Variants in XKR4 observed in about 807,000 individuals in gnomAD.
The protein encoded by XKR4 is XK related 4.
XKR4 carries 12 observed loss-of-function variants against 53.9 expected under a neutral mutation model. The observed-to-expected ratio is 0.22, with a 90% CI of 0.14 to 0.36. The LOEUF (loss-of-function observed/expected upper bound fraction) is 0.36. Ranked by LOEUF, XKR4 falls within the 10% of genes least tolerant of loss-of-function variation. The probability of loss-of-function intolerance (pLI) is 1.00; values close to 1 mark genes in which losing one functional copy is unlikely to be tolerated. For missense variants in XKR4, 799 were observed against 859.5 expected (o/e 0.93, Z 0.88); for synonymous variants, 354 against 362.4 (o/e 0.98, Z 0.26).
chr8:55,392,256 C>G (rs914702679), intron 2 of XKR4, among the ~76,000 whole-genome samples: 2 of 152,062 alleles, frequency 1.3e-5, no homozygotes, highest in African/African-American at 2.4e-5. Flanking sequence ...GAGAGGGCTC[C>G]TTGGAGGAAT....
intron 2 of XKR4, among the ~76,000 whole-genome samples, chr8:55,374,544 C>G (rs796080328): frequency 3.3e-5 from 5 of 152,252 alleles, no homozygotes; most frequent in African/African-American, 1.2e-4. Flanking sequence ...AAGTGAACCA[C>G]CATTTAAGGG....
Position 55,524,968 on chromosome 8 carries a change from G to A in XKR4, c.*741G>A, listed in dbSNP as rs546187760. On this transcript the variant is annotated 3_prime_UTR_variant, in exon 3 of 3. Transcript: ENST00000327381. ...GCAGCCCATGTACGGCTTTCAACAA[G>A]ACCAAGGAGCTCAATAACTTCATGA... The A allele has an allele frequency of 6.6e-6, 1 of 152,592 alleles. No individual in the cohort carries two copies. Among genetic ancestry groups the A allele is most frequent in the Non-Finnish European group, 1.5e-5 (1 of 68,038 alleles). The allele number at this position is 152,592 out of a possible 1,614,324, so 9.5% of individuals were successfully genotyped here.
chr8:55,338,121 A>C (rs546389062), intron 1 of XKR4, among the ~76,000 whole-genome samples: 1 of 152,384 alleles, frequency 6.6e-6, no homozygotes, highest in Admixed American at 6.5e-5. Flanking sequence ...AGGGAAGGTC[A>C]CATGGATATT....
chr8:55,289,582 A>AGAAG, intron 1 of XKR4, among the ~76,000 whole-genome samples: 1 of 86,732 alleles, frequency 1.2e-5, no homozygotes, highest in Non-Finnish European at 2.4e-5. Flanking sequence ...AGAGAAAGGA[A>AGAAG]GAAAGAAAGA....
At chr8:55,370,648 A>AT (rs959801843) in intron 2 of XKR4, among the ~76,000 whole-genome samples, 3 of 152,222 alleles carry the variant, frequency 2.0e-5, no homozygotes, top group South Asian at 4.2e-4. Context: ...GAGAGTTGTG[A>AT]TTTTTTTCTT....
At chr8:55,356,666 G>A (rs1803800238) in intron 1 of XKR4, among the ~76,000 whole-genome samples, 2 of 152,154 alleles carry the variant, frequency 1.3e-5, no homozygotes, top group South Asian at 4.1e-4. Flanking sequence ...GAAATAATGT[G>A]ATGCCCGGGG....
intron 1 of XKR4, 133 bp from the exon 2 acceptor site, chr8:55,357,545 C>T (rs1291840297): frequency 1.1e-6 from 1 of 877,008 alleles, no homozygotes; most frequent in African/African-American, 1.7e-5. Flanking sequence ...TGGACTTTAA[C>T]TCATAAGCCC....
chr8:55,535,427 A>C lies in XKR4; in HGVS notation c.*11200A>C, dbSNP rs930446976. The C allele has an allele frequency of 2.4e-5, 3 of 123,942 alleles. No individual in the cohort carries two copies. The highest frequency in any genetic ancestry group is 3.2e-5 in the Non-Finnish European group (2 of 62,800). 7.7% of individuals were successfully genotyped at this position (123,942 alleles called of 1,614,324 possible). On this transcript the variant is annotated 3_prime_UTR_variant, in exon 3 of 3. Coordinates refer to ENST00000327381, the MANE Select transcript of XKR4 (RefSeq NM_052898.2). ...GTGTGTGATGTTCCCCTTCCTGTGC[A>C]CGTGACTTATTTTCAATTGCCCAGC...
chr8:55,519,851 G>C (rs1228589798), intron 2 of XKR4, among the ~76,000 whole-genome samples: 3 of 152,162 alleles, frequency 2.0e-5, no homozygotes, highest in African/African-American at 4.8e-5. Flanking sequence ...AAATGGGTGA[G>C]AGAGAGAGAC....
intron 1 of XKR4, among the ~76,000 whole-genome samples, chr8:55,208,754 C>T (rs1817683691): frequency 6.6e-6 from 1 of 152,126 alleles, no homozygotes; most frequent in Non-Finnish European, 1.5e-5. Context: ...CATGAGCCAC[C>T]ACACCCAGCC....
intron 2 of XKR4, among the ~76,000 whole-genome samples, chr8:55,366,606 C>T (rs1423975197): frequency 6.6e-6 from 1 of 152,206 alleles, no homozygotes; most frequent in Non-Finnish European, 1.5e-5. Flanking sequence ...CTGGTGGCCT[C>T]ATATTCCAAT....
intron 1 of XKR4, among the ~76,000 whole-genome samples, chr8:55,355,613 C>T (rs1803787289): frequency 1.3e-5 from 2 of 152,140 alleles, no homozygotes; most frequent in Admixed American, 6.5e-5. Context: ...ATGCTTGGGA[C>T]TTCAAAGCAA....
At chr8:55,312,856 C>G (rs1460053535) in intron 1 of XKR4, among the ~76,000 whole-genome samples, 2 of 152,096 alleles carry the variant, frequency 1.3e-5, no homozygotes, top group Admixed American at 1.3e-4. Context: ...TCATAGATGG[C>G]GTCAAGACAA....
intron 2 of XKR4, chr8:55,449,720 T>C (rs1805401261): frequency 2.2e-6 from 2 of 913,852 alleles, no homozygotes; most frequent in South Asian, 2.6e-5. Flanking sequence ...GCACTCAGTG[T>C]CCACACGGTG....
intron 2 of XKR4, among the ~76,000 whole-genome samples, chr8:55,425,498 C>T (rs6995409): frequency 0.14 from 21,395 of 152,140 alleles, 3,120 homozygotes; most frequent in African/African-American, 0.37. Flanking sequence ...CCTTCTGAGC[C>T]TCAGGCTATC....
intron 1 of XKR4, chr8:55,140,206 A>G (rs1047383823): frequency 2.4e-6 from 1 of 409,672 alleles, no homozygotes; most frequent in African/African-American, 2.1e-5. Flanking sequence ...GGTGAGTTCC[A>G]TCTGCAGACT....
intron 1 of XKR4, among the ~76,000 whole-genome samples, chr8:55,305,515 G>A (rs1034022408): frequency 3.3e-4 from 50 of 152,308 alleles, no homozygotes; most frequent in African/African-American, 1.2e-3. Flanking sequence ...CTGGAAGGCA[G>A]AAGATTCAGT....
At chr8:55,148,417 T>C (rs962294096) in intron 1 of XKR4, among the ~76,000 whole-genome samples, 2 of 151,830 alleles carry the variant, frequency 1.3e-5, no homozygotes, top group Non-Finnish European at 2.9e-5. Context: ...AAAAAATATA[T>C]ATATATATAC....
intron 1 of XKR4, among the ~76,000 whole-genome samples, chr8:55,180,532 G>A (rs946167912): frequency 3.3e-5 from 5 of 152,122 alleles, no homozygotes; most frequent in South Asian, 4.2e-4. Flanking sequence ...ACAAAAATAC[G>A]TATTCTTTTT....
Sources: allele counts gnomAD v4.1 joint callset (sites outside exome capture counted in the v4.1 genomes callset), GRCh38; gene constraint gnomAD v4.1.1; transcripts MANE v1.5; gene names NCBI Gene and HGNC (gene_info 2026-07-23, HGNC 2026-07-21).